Variants in KLHL24 observed in about 807,000 individuals in gnomAD.
KLHL24 encodes kelch like family member 24.
In KLHL24, 29 loss-of-function variants were observed where a neutral mutation model predicts 53.4. The ratio of observed to expected loss-of-function variants is 0.54; its 90% CI spans 0.40 to 0.74. The LOEUF (loss-of-function observed/expected upper bound fraction) is 0.74. Ranked by LOEUF, KLHL24 falls within the 30% of genes least tolerant of loss-of-function variation. The pLI, the probability that KLHL24 is intolerant of heterozygous loss-of-function variation, is 0.00. For synonymous variants in KLHL24, 222 were observed against 253.7 expected (o/e 0.88, Z 1.19); for missense variants, 504 against 744.0 (o/e 0.68, Z 3.75).
Position 183,671,039 on chromosome 3 carries a change from T to C in KLHL24, c.1230T>C (p.Tyr410=), listed in dbSNP as rs753587906. Residue 410 remains tyrosine, a synonymous_variant, in exon 6 of 8, where the codon TAT becomes TAC. Transcript: ENST00000242810. ...HKMAVLLGKV[Y]VVGGYDGQNR... is the part of the protein sequence containing the mutation. ...TCCATGTATTTTACATATAGGTATA[T>C]GTTGTCGGTGGCTATGATGGGCAAA... 6.2e-7 allele frequency: 1 copy of C among 1,610,716 alleles called. No individual in the cohort carries two copies. Among genetic ancestry groups the C allele is most frequent in the South Asian group, 1.1e-5 (1 of 90,982 alleles).
Position 183,679,199 on chromosome 3 carries a change from C to T in KLHL24, c.1716C>T (p.Ile572=). The T allele has an allele frequency of 6.2e-7, 1 of 1,613,408 alleles. No homozygotes were observed. The highest frequency in any genetic ancestry group is 8.5e-7 in the Non-Finnish European group (1 of 1,179,376). Residue 572 remains isoleucine (I), a synonymous_variant, in exon 8 of 8, where the codon ATC becomes ATT. Transcript: ENST00000242810. The part of the protein sequence containing the change: ...ILCYDPATSI[I]TGVAAMPRPV... ...GTTATGATCCTGCAACAAGTATCAT[C>T]ACAGGGGTAGCTGCAATGCCCAGGC...
intron 3 of KLHL24, among the ~76,000 whole-genome samples, chr3:183,659,850 T>A (rs1270089961): frequency 6.6e-6 from 1 of 152,248 alleles, no homozygotes; most frequent in Non-Finnish European, 1.5e-5. Flanking sequence ...TGTGGATATT[T>A]ACCTATGGTC....
chr3:183,674,390 C>T (rs1158110998), intron 7 of KLHL24, among the ~76,000 whole-genome samples: 2 of 150,862 alleles, frequency 1.3e-5, no homozygotes, highest in African/African-American at 4.9e-5. Flanking sequence ...GACGGAGTTT[C>T]ACTCTTGTCA....
Position 183,681,789 on chromosome 3 carries a change from A to G in KLHL24, c.*2503A>G. ...ATTTTAGAGTAGAATTAATATATCA[A>G]AAGGGGTATATCAACCAAATTGGTG... On this transcript the variant is annotated 3_prime_UTR_variant, in exon 8 of 8. Coordinates refer to ENST00000242810, the MANE Select transcript of KLHL24 (RefSeq NM_017644.3). The G allele has an allele frequency of 6.6e-6, 1 of 152,640 alleles. No homozygotes were observed. Among genetic ancestry groups the G allele is most frequent in the Middle Eastern group, 3.4e-3 (1 of 294 alleles). 9.5% of individuals were successfully genotyped at this position (152,640 alleles called of 1,614,324 possible).
chr3:183,684,064 C>T lies in KLHL24; in HGVS notation c.*4778C>T, dbSNP rs1712951844. ...CGTGTAAATTCATTTGCAGTATCTA[C>T]ATCGAATGTCAAAAAAGTATACTTA... is the stretch of plus-strand genomic sequence containing the variant. On this transcript the variant is annotated 3_prime_UTR_variant, in exon 8 of 8. Transcript: ENST00000242810. The T allele has an allele frequency of 6.6e-6, 1 of 152,522 alleles. No individual in the cohort carries two copies. Among genetic ancestry groups the T allele is most frequent in the Non-Finnish European group, 1.5e-5 (1 of 68,014 alleles). The allele number at this position is 152,522 out of a possible 1,614,324, so 9.4% of individuals were successfully genotyped here.
intron 1 of KLHL24, among the ~76,000 whole-genome samples, chr3:183,639,777 A>C (rs1353969735): frequency 1.3e-5 from 2 of 152,090 alleles, no homozygotes; most frequent in Non-Finnish European, 2.9e-5. Context: ...AGGCCGGGCC[A>C]GGTGGATCAC....
chr3:183,670,909 T>C lies in KLHL24; in HGVS notation c.1225-125T>C, dbSNP rs1421208398. ...AAAGGTTCAGAAACTCTGAGCTAAA[T>C]ATATTGCAATTATATTTATTTAGCA... On this transcript the variant is annotated intron_variant, in intron 5 of 7. Transcript: ENST00000242810. 49 of 667,212 alleles carry C rather than the reference T, an allele frequency of 7.3e-5. No individual in the cohort carries two copies. In the East Asian group the frequency reaches 1.2e-3, roughly 17 times the overall value. 41.3% of individuals were successfully genotyped at this position (667,212 alleles called of 1,614,324 possible). A position where few individuals can be genotyped will look rare whatever the true frequency, so the allele number is the denominator to read the frequency against.
chr3:183,636,434 G>C (rs1447725161), intron 1 of KLHL24: 1 of 152,186 alleles, frequency 6.6e-6, no homozygotes, highest in Non-Finnish European at 1.5e-5. Flanking sequence ...TACCACGATC[G>C]CGACACCCGG....
chr3:183,679,622 G>A lies in KLHL24; in HGVS notation c.*336G>A. ...TGTGAATGGTGTCTTCACTTATTAT[G>A]TATGTTTATCTGTATGTATATTCCT... On this transcript the variant is annotated 3_prime_UTR_variant, in exon 8 of 8. Coordinates refer to ENST00000242810, the MANE Select transcript of KLHL24 (RefSeq NM_017644.3). 4.4e-6 allele frequency: 1 copy of A among 228,224 alleles called. No homozygotes were observed. Among genetic ancestry groups the A allele is most frequent in the Non-Finnish European group, 8.6e-6 (1 of 115,894 alleles). 14.1% of individuals were successfully genotyped at this position (228,224 alleles called of 1,614,324 possible).
intron 1 of KLHL24, among the ~76,000 whole-genome samples, chr3:183,642,306 A>G (rs1472222920): frequency 2.6e-5 from 4 of 152,178 alleles, no homozygotes; most frequent in African/African-American, 9.7e-5. Context: ...AAGGGTACAT[A>G]CAAGTCAGGT....
intron 7 of KLHL24, among the ~76,000 whole-genome samples, chr3:183,674,287 C>CTTTCTTTCTT (rs1721810262): frequency 6.7e-6 from 1 of 149,514 alleles, no homozygotes; most frequent in African/African-American, 2.5e-5. Flanking sequence ...TTCTTTCTTT[C>CTTTCTTTCTT]TTTCTTTCTT....
At chr3:183,637,220 G>A (rs1715441503) in intron 1 of KLHL24, among the ~76,000 whole-genome samples, 1 of 152,194 alleles carries the variant, frequency 6.6e-6, no homozygotes, top group Non-Finnish European at 1.5e-5. Flanking sequence ...TACAGACTGG[G>A]TCCACCAGCT....
rs1712475170 is a variant in KLHL24, at chr3:183,679,585, C to A, written c.*299C>A. 1 of 305,080 alleles carries A rather than the reference C, an allele frequency of 3.3e-6. No individual in the cohort carries two copies. Among genetic ancestry groups the A allele is most frequent in the East Asian group, 7.3e-5 (1 of 13,772 alleles). 18.9% of individuals were successfully genotyped at this position (305,080 alleles called of 1,614,324 possible). A position where few individuals can be genotyped will look rare whatever the true frequency, so the allele number is the denominator to read the frequency against. ...AATTAGGAAATGTCTGTCTGCATAC[C>A]TTTTAGGAGCGTGTGAATGGTGTCT... On this transcript the variant is annotated 3_prime_UTR_variant, in exon 8 of 8. Transcript: ENST00000242810.
intron 5 of KLHL24, among the ~76,000 whole-genome samples, chr3:183,665,431 T>C (rs986353016): frequency 6.6e-6 from 1 of 152,246 alleles, no homozygotes; most frequent in African/African-American, 2.4e-5. Flanking sequence ...ATTTTATCTT[T>C]TTTATTTTAA....
At chr3:183,658,041 C>T (rs1329085228) in intron 3 of KLHL24, among the ~76,000 whole-genome samples, 4 of 151,986 alleles carry the variant, frequency 2.6e-5, no homozygotes, top group South Asian at 2.1e-4. Context: ...GGTGAAACCC[C>T]GTCTCTACTA....
chr3:183,675,221 A>G (rs899694791), intron 7 of KLHL24, among the ~76,000 whole-genome samples: 4 of 152,182 alleles, frequency 2.6e-5, no homozygotes, highest in Non-Finnish European at 4.4e-5. Context: ...TATTTGCAAG[A>G]TACATTAGAG....
chr3:183,655,907 G>A (rs190711023), intron 3 of KLHL24, among the ~76,000 whole-genome samples: 44 of 151,880 alleles, frequency 2.9e-4, no homozygotes, highest in African/African-American at 9.9e-4. Flanking sequence ...CTCCAGCCTG[G>A]CAACAGAGAG....
At chr3:183,667,221 CA>C in intron 5 of KLHL24, among the ~76,000 whole-genome samples, 1 of 152,148 alleles carries the variant, frequency 6.6e-6, no homozygotes, top group East Asian at 1.9e-4. Flanking sequence ...AGATCGAGAC[CA>C]TCCTGGCCAA....
rs1460919764 is a variant in KLHL24, at chr3:183,650,771, C to G, written c.415C>G (p.Leu139Val). 1.9e-6 allele frequency: 3 copies of G among 1,613,836 alleles called. No individual in the cohort carries two copies. The highest frequency in any genetic ancestry group is 3.3e-5 in the Admixed American group (2 of 59,986). Reference protein sequence around the residue: ...VKITTENVQYLFETSSLFQIS... With the variant: ...VKITTENVQYVFETSSLFQIS... ...GATCACTACAGAGAATGTACAGTAT[C>G]TCTTTGAGACATCAAGCCTCTTTCA... The change falls in exon 3 of 8, where the codon CTC becomes GTC. Residue 139 changes from leucine to valine, a missense_variant. Transcript: ENST00000242810. This position sits in a 1 kb window ranked among gnomAD's most constrained non-coding sequence, Gnocchi z 4.5.
Sources: allele counts gnomAD v4.1 joint callset (sites outside exome capture counted in the v4.1 genomes callset), GRCh38; gene constraint gnomAD v4.1.1; non-coding constraint Gnocchi (gnomAD v3.1); transcripts MANE v1.5; gene names NCBI Gene and HGNC (gene_info 2026-07-23, HGNC 2026-07-21).